NELL1: variants seen among roughly 807,000 people sequenced by gnomAD.
NELL1 encodes the protein protein kinase C-binding protein NELL1.
NELL1 carries 76 observed loss-of-function variants against 107.4 expected under a neutral mutation model. The ratio of observed to expected loss-of-function variants is 0.71; its 90% confidence interval spans 0.59 to 0.86. NELL1 has a LOEUF of 0.86. Among genes scored for constraint, NELL1 ranks in the 40% least tolerant of loss-of-function variants. The pLI is 0.00. For synonymous variants in NELL1, 353 were observed against 341.2 expected (o/e 1.03, Z -0.38); for missense variants, 1,024 against 1,005.5 (o/e 1.02, Z -0.25).
chr11:20,831,800 C>A (rs1858015600), intron 3 of NELL1, among the ~76,000 whole-genome samples: 1 of 152,114 alleles, frequency 6.6e-6, no homozygotes. Flanking sequence ...CATAAAAATT[C>A]ATGTTTGTGA....
intron 14 of NELL1, among the ~76,000 whole-genome samples, chr11:21,347,309 A>G (rs908427389): frequency 1.3e-5 from 2 of 152,146 alleles, no homozygotes; most frequent in Non-Finnish European, 2.9e-5. Context: ...TTGAAGAATA[A>G]AATCATAACG....
Position 21,215,981 on chromosome 11 carries a change from C to T in NELL1, c.1427-13351C>T, listed in dbSNP as rs549219498. Among the ~76,000 whole-genome samples the T allele has an allele frequency of 2.6e-5, 4 of 152,134 alleles. No individual in the cohort carries two copies. In the South Asian group the frequency reaches 8.3e-4, roughly 32 times the overall value. On this transcript the variant is annotated intron_variant, in intron 13 of 19. Transcript: ENST00000357134. ...GCATGTCAGAGACTTTCATTGCAAC[C>T]CCTCCTATCACAGAGCCAGAGGCCT...
intron 1 of NELL1, among the ~76,000 whole-genome samples, chr11:20,672,268 C>A (rs1489976745): frequency 1.3e-5 from 2 of 152,216 alleles, no homozygotes; most frequent in Non-Finnish European, 2.9e-5. Flanking sequence ...TTATCAGCAT[C>A]CAAACAGCTG....
In NELL1 at chr11:20,973,101, C is replaced by CTTTT. The variant is rs761894107; in HGVS notation, c.1300+12562_1300+12565dup. 6.9e-3 allele frequency among the ~76,000 whole-genome samples: 642 copies of CTTTT among 92,452 alleles called. 21 individuals carry two copies. Among genetic ancestry groups the CTTTT allele is most frequent in the Middle Eastern group, 0.02 (2 of 100 alleles). The allele number at this position is 92,452 out of a possible 152,430, so 60.7% of individuals were successfully genotyped here. ...TGCCTATCAAACAGGATCTTCATTA[C>CTTTT]TTTTTTTTTTTTTTTTTTTTTTTTG... On this transcript the variant is annotated intron_variant, in intron 12 of 19. Transcript: ENST00000357134.
At chr11:20,746,841 C>T (rs77236721) in intron 2 of NELL1, among the ~76,000 whole-genome samples, 5,253 of 152,212 alleles carry the variant, frequency 0.035, 297 homozygotes, top group African/African-American at 0.12. Flanking sequence ...GTTCCTGGTT[C>T]TACACCATTA....
At chr11:21,284,618 C>A in intron 14 of NELL1, 1 of 425,000 alleles carries the variant, frequency 2.4e-6, no homozygotes, top group Non-Finnish European at 4.8e-6. Context: ...GTCTTTATGG[C>A]AATGTTATCA....
chr11:21,456,959 C>G (rs1441500747), intron 15 of NELL1, among the ~76,000 whole-genome samples: 1 of 151,510 alleles, frequency 6.6e-6, no homozygotes, highest in Non-Finnish European at 1.5e-5. Context: ...GAGATAAATT[C>G]TATATCCCTT....
intron 15 of NELL1, among the ~76,000 whole-genome samples, chr11:21,439,420 A>G (rs1036904855): frequency 3.3e-5 from 5 of 152,174 alleles, no homozygotes; most frequent in African/African-American, 1.2e-4. Context: ...TCTTCTGATT[A>G]TGCAGAAGCA....
chr11:20,725,835 A>G (rs1478951541), intron 2 of NELL1, among the ~76,000 whole-genome samples: 1 of 152,174 alleles, frequency 6.6e-6, no homozygotes, highest in African/African-American at 2.4e-5. Context: ...GGTTTGAAGT[A>G]TGAATGATCC....
At chr11:20,780,487 G>A (rs1408848767) in intron 2 of NELL1, among the ~76,000 whole-genome samples, 1 of 152,132 alleles carries the variant, frequency 6.6e-6, no homozygotes, top group African/African-American at 2.4e-5. Flanking sequence ...TTTGTGCCAG[G>A]CACTAAGAAT....
At position 21,138,316 on chromosome 11, in the gene NELL1, A is replaced by T. The variant is rs184589927; in HGVS notation, c.1426+24602A>T. ...AGTTCCATCATTACCCACCTACTAG[A>T]TATGATGACACTCATAATGATATAT... On this transcript the variant is annotated intron_variant, in intron 13 of 19. Coordinates refer to ENST00000357134, the MANE Select transcript of NELL1 (RefSeq NM_006157.5). 2.8e-4 allele frequency among the ~76,000 whole-genome samples: 43 copies of T among 152,238 alleles called. No individual in the cohort carries two copies. In the East Asian group the frequency reaches 7.0e-3, roughly 25 times the overall value.
Position 21,131,012 on chromosome 11 carries a change from C to G in NELL1, c.1426+17298C>G, listed in dbSNP as rs143371315. On this transcript the variant is annotated intron_variant, in intron 13 of 19. Coordinates refer to ENST00000357134, the MANE Select transcript of NELL1 (RefSeq NM_006157.5). Reference sequence around the variant, plus strand: ...TTTATGACATCATATAATTGATTTTCAACCTAAATAGATGTGGACTAGACT... The same window carrying G: ...TTTATGACATCATATAATTGATTTTGAACCTAAATAGATGTGGACTAGACT... Among the ~76,000 whole-genome samples, 684 of 152,144 alleles carry G rather than the reference C, an allele frequency of 4.5e-3. 4 individuals are homozygous for G. The highest frequency in any genetic ancestry group is 0.02 in the Middle Eastern group (6 of 294).
intron 14 of NELL1, among the ~76,000 whole-genome samples, chr11:21,232,190 C>T (rs866473724): frequency 2.7e-4 from 36 of 132,212 alleles, no homozygotes; most frequent in South Asian, 7.9e-4. Flanking sequence ...ATTAGCTGGG[C>T]GTGGTGGTGT....
intron 12 of NELL1, among the ~76,000 whole-genome samples, chr11:21,002,161 A>G (rs903497369): frequency 1.3e-5 from 2 of 152,170 alleles, no homozygotes; most frequent in African/African-American, 4.8e-5. Flanking sequence ...GGGAATGGCA[A>G]ACTGCCTCTC....
chr11:20,679,415 A>G (rs1156830302), intron 2 of NELL1, among the ~76,000 whole-genome samples: 3 of 152,222 alleles, frequency 2.0e-5, no homozygotes, highest in Admixed American at 6.5e-5. Flanking sequence ...GGCTGAACCA[A>G]CATAATAGAA....
chr11:21,460,958 A>G lies in NELL1; in HGVS notation c.1646-73416A>G, dbSNP rs574746279. ...TCTACAGGAAGAATTATTGACATGTAGTGAAATGTGAGATCAATATCTGTT... is the reference window on the plus strand; with the variant it reads ...TCTACAGGAAGAATTATTGACATGTGGTGAAATGTGAGATCAATATCTGTT... On this transcript the variant is annotated intron_variant, in intron 15 of 19. Transcript: ENST00000357134. Among the ~76,000 whole-genome samples the G allele has an allele frequency of 1.6e-4, 24 of 152,220 alleles. No individual in the cohort carries two copies. In the South Asian group the frequency reaches 4.8e-3, roughly 30 times the overall value.
chr11:20,895,786 C>G (rs921812814), intron 5 of NELL1, among the ~76,000 whole-genome samples: 1 of 151,864 alleles, frequency 6.6e-6, no homozygotes, highest in Non-Finnish European at 1.5e-5. Context: ...GATTACAGGC[C>G]TGAGCCACTG....
chr11:20,896,351 A>T (rs540187458), intron 5 of NELL1, among the ~76,000 whole-genome samples: 2 of 152,324 alleles, frequency 1.3e-5, no homozygotes, highest in South Asian at 2.1e-4. Context: ...TTATATATAC[A>T]TGCCACAATT....
intron 13 of NELL1, among the ~76,000 whole-genome samples, chr11:21,208,360 A>G (rs986367973): frequency 2.6e-5 from 4 of 151,518 alleles, no homozygotes; most frequent in African/African-American, 7.3e-5. Flanking sequence ...ATTACTGTCA[A>G]TATTTTAACA....
Sources: allele counts gnomAD v4.1 joint callset (sites outside exome capture counted in the v4.1 genomes callset), GRCh38; gene constraint gnomAD v4.1.1; transcripts MANE v1.5; gene names NCBI Gene and HGNC (gene_info 2026-07-23, HGNC 2026-07-21).